Variants in CADM2 observed in about 807,000 individuals in gnomAD.
The protein encoded by CADM2 is immunoglobulin superfamily member 4D.
CADM2 carries 12 observed loss-of-function variants against 49.8 expected under a neutral mutation model. That is an observed-to-expected ratio of 0.24 (90% CI 0.15 to 0.39). CADM2 has a LOEUF of 0.39. CADM2 is among the 10% of genes least tolerant of loss of function. The probability of loss-of-function intolerance (pLI) is 1.00; values close to 1 mark genes in which losing one functional copy is unlikely to be tolerated. For missense variants in CADM2, 378 were observed against 492.3 expected, an observed-to-expected ratio of 0.77 and a Z score of 2.20; for synonymous variants, 214 against 175.4, an observed-to-expected ratio of 1.22 and a Z score of -1.74.
chr3:86,021,448 C>G (rs766121562), intron 8 of CADM2, among the ~76,000 whole-genome samples: 1 of 152,106 alleles, frequency 6.6e-6, no homozygotes, highest in Non-Finnish European at 1.5e-5. Context: ...TTAGTGTAGA[C>G]ATGGCTTAAG....
chr3:85,041,452 C>T (rs115822750), intron 1 of CADM2, among the ~76,000 whole-genome samples: 1,579 of 152,072 alleles, frequency 0.01, 38 homozygotes, highest in African/African-American at 0.036. Flanking sequence ...AGTGGGAGTC[C>T]GAAGAGGAAA....
At chr3:85,273,315 A>G (rs986629773) in intron 1 of CADM2, among the ~76,000 whole-genome samples, 4 of 151,366 alleles carry the variant, frequency 2.6e-5, no homozygotes, top group African/African-American at 9.7e-5. Context: ...GTGGGAAGGC[A>G]GTGGAAGATT....
intron 3 of CADM2, among the ~76,000 whole-genome samples, chr3:85,867,539 TTAGA>T (rs1241497349): frequency 4.6e-5 from 7 of 152,100 alleles, no homozygotes; most frequent in Non-Finnish European, 1.0e-4. Context: ...GGAATGTTTC[TTAGA>T]TAAACAATAA....
intron 8 of CADM2, among the ~76,000 whole-genome samples, chr3:85,962,292 C>A (rs917990128): frequency 1.3e-5 from 2 of 151,874 alleles, no homozygotes; most frequent in African/African-American, 4.8e-5. Flanking sequence ...TTCCTTTAAG[C>A]TAATTTTTAT....
chr3:85,444,372 A>G (rs1410790908), intron 1 of CADM2, among the ~76,000 whole-genome samples: 1 of 151,936 alleles, frequency 6.6e-6, no homozygotes, highest in Non-Finnish European at 1.5e-5. Context: ...AACTGGATTT[A>G]TAAGTTGTCC....
intron 1 of CADM2, among the ~76,000 whole-genome samples, chr3:85,082,695 A>AGG (rs2037213192): frequency 6.6e-6 from 1 of 152,116 alleles, no homozygotes; most frequent in Non-Finnish European, 1.5e-5. Context: ...GCACACGGTT[A>AGG]GGGGTCTTAT....
At chr3:85,477,391 G>GAA (rs561054267) in intron 1 of CADM2, among the ~76,000 whole-genome samples, 2 of 102,290 alleles carry the variant, frequency 2.0e-5, no homozygotes, top group Non-Finnish European at 4.9e-5. Flanking sequence ...AGATTAATAT[G>GAA]AAAAAAAAAT....
chr3:85,575,588 A>G (rs945550719), intron 1 of CADM2, among the ~76,000 whole-genome samples: 1 of 152,134 alleles, frequency 6.6e-6, no homozygotes, highest in African/African-American at 2.4e-5. Flanking sequence ...AATAAAATAA[A>G]TGATTGAAAT....
At chr3:85,593,500 C>T (rs887924324) in intron 1 of CADM2, among the ~76,000 whole-genome samples, 3 of 151,930 alleles carry the variant, frequency 2.0e-5, no homozygotes, top group Non-Finnish European at 2.9e-5. Context: ...TGAGAGATTT[C>T]TATCGTCATA....
intron 1 of CADM2, among the ~76,000 whole-genome samples, chr3:85,650,480 A>G (rs537022575): frequency 6.7e-5 from 10 of 150,186 alleles, no homozygotes; most frequent in African/African-American, 2.0e-4. Context: ...GGGTGTTTGT[A>G]TACAGATATT....
chr3:85,369,635 A>C (rs2033051525), intron 1 of CADM2, among the ~76,000 whole-genome samples: 1 of 152,186 alleles, frequency 6.6e-6, no homozygotes, highest in African/African-American at 2.4e-5. Flanking sequence ...TGTGTATGTA[A>C]AAACTTAGAC....
At chr3:85,160,537 G>T (rs999859936) in intron 1 of CADM2, among the ~76,000 whole-genome samples, 1 of 151,936 alleles carries the variant, frequency 6.6e-6, no homozygotes, top group African/African-American at 2.4e-5. Context: ...CATATTGTAG[G>T]TTTTAAAAAT....
At chr3:84,985,826 T>C (rs1230444040) in intron 1 of CADM2, among the ~76,000 whole-genome samples, 1 of 152,176 alleles carries the variant, frequency 6.6e-6, no homozygotes, top group Non-Finnish European at 1.5e-5. Flanking sequence ...GTAAGTGAAG[T>C]ACCTTCAATG....
At chr3:85,386,094 A>G (rs754377175) in intron 1 of CADM2, among the ~76,000 whole-genome samples, 3 of 152,120 alleles carry the variant, frequency 2.0e-5, no homozygotes, top group Non-Finnish European at 4.4e-5. Flanking sequence ...ACTACATACT[A>G]CTTTATTTGC....
chr3:85,658,704 C>A (rs1342388750), intron 1 of CADM2, among the ~76,000 whole-genome samples: 1 of 146,040 alleles, frequency 6.8e-6, no homozygotes, highest in Non-Finnish European at 1.5e-5. Context: ...CAGAACAAAA[C>A]AAAAACTTTG....
intron 1 of CADM2, among the ~76,000 whole-genome samples, chr3:85,594,029 A>T (rs2107356122): frequency 6.6e-6 from 1 of 152,112 alleles, no homozygotes; most frequent in Middle Eastern, 3.4e-3. Context: ...AAATATCCCA[A>T]GGATGTATTT....
chr3:85,908,231 A>G (rs1265732717), intron 5 of CADM2, among the ~76,000 whole-genome samples: 1 of 146,744 alleles, frequency 6.8e-6, no homozygotes, highest in Non-Finnish European at 1.5e-5. Flanking sequence ...GAAAATCAAG[A>G]TATCTTGGCT....
chr3:85,919,289 T>C (rs2108499532), intron 6 of CADM2, among the ~76,000 whole-genome samples: 1 of 152,100 alleles, frequency 6.6e-6, no homozygotes, highest in South Asian at 2.1e-4. Flanking sequence ...TGAAAGTTAT[T>C]ACTGTTTAAA....
intron 2 of CADM2, among the ~76,000 whole-genome samples, chr3:85,739,864 C>T (rs1189909623): frequency 1.3e-5 from 2 of 152,126 alleles, no homozygotes; most frequent in African/African-American, 2.4e-5. Flanking sequence ...TCCTTATTAT[C>T]AAAGCTTGTG....
Sources: allele counts gnomAD v4.1 joint callset (sites outside exome capture counted in the v4.1 genomes callset), GRCh38; gene constraint gnomAD v4.1.1; transcripts MANE v1.5; gene names NCBI Gene and HGNC (gene_info 2026-07-23, HGNC 2026-07-21).